The following WDPCP variants were observed in gnomAD, a reference collection of about 807,000 sequenced individuals.
The protein encoded by WDPCP is WD repeat containing planar cell polarity effector.
WDPCP carries 71 observed loss-of-function variants against 93.1 expected under a neutral mutation model. The observed-to-expected ratio is 0.76, with a 90% CI of 0.63 to 0.93. The LOEUF is 0.93. Among genes scored for constraint, WDPCP ranks in the 40% least tolerant of loss-of-function variants. The probability of loss-of-function intolerance (pLI) is 0.00; values close to 1 mark genes in which losing one functional copy is unlikely to be tolerated. For missense variants in WDPCP, 844 were observed against 887.4 expected (o/e 0.95, Z 0.62); for synonymous variants, 315 against 315.0 (o/e 1.00, Z 0.00).
chr2:63,438,190 T>C (rs189355630), intron 7 of WDPCP, among the ~76,000 whole-genome samples: 109 of 152,212 alleles, frequency 7.2e-4, no homozygotes, highest in African/African-American at 2.4e-3. Flanking sequence ...AAAGGGCTAT[T>C]AATGTTACAT....
intron 14 of WDPCP, among the ~76,000 whole-genome samples, chr2:63,199,799 T>A (rs1228144977): frequency 6.6e-6 from 1 of 152,088 alleles, no homozygotes; most frequent in Non-Finnish European, 1.5e-5. Flanking sequence ...CTGTGAGAAG[T>A]GGGCCATCAT....
chr2:63,579,065 T>C (rs1708309478), intron 1 of WDPCP, among the ~76,000 whole-genome samples: 1 of 152,120 alleles, frequency 6.6e-6, no homozygotes, highest in Non-Finnish European at 1.5e-5. Flanking sequence ...TTCCTTACGT[T>C]CTCCAGAAAA....
intron 6 of WDPCP, among the ~76,000 whole-genome samples, chr2:63,456,805 C>T (rs900138597): frequency 1.3e-5 from 2 of 152,106 alleles, no homozygotes; most frequent in African/African-American, 4.8e-5. Context: ...TCACTTGATG[C>T]CTTTAAGCCC....
At chr2:63,808,373 G>A (rs899284532) in intron 2 of WDPCP, among the ~76,000 whole-genome samples, 51 of 124,822 alleles carry the variant, frequency 4.1e-4, no homozygotes, top group Non-Finnish European at 7.1e-4. Context: ...CTCTTTCCAC[G>A]GTCTCCCTCT....
intron 2 of WDPCP, among the ~76,000 whole-genome samples, chr2:63,734,386 A>G (rs1669609006): frequency 6.6e-6 from 1 of 152,188 alleles, no homozygotes; most frequent in Admixed American, 6.5e-5. Flanking sequence ...ATATACATAT[A>G]TATGCATATA....
chr2:63,717,579 G>A, intron 2 of WDPCP: 1 of 523,150 alleles, frequency 1.9e-6, no homozygotes, highest in Non-Finnish European at 3.9e-6. Context: ...CTGATTCATG[G>A]TATACCTGTC....
chr2:63,230,451 C>T (rs1678757096), intron 14 of WDPCP, among the ~76,000 whole-genome samples: 1 of 152,124 alleles, frequency 6.6e-6, no homozygotes, highest in Non-Finnish European at 1.5e-5. Context: ...GGTATATGCC[C>T]AGTAATGGGA....
intron 12 of WDPCP, among the ~76,000 whole-genome samples, chr2:63,354,736 G>GTA (rs35401013): frequency 8.0e-5 from 12 of 149,378 alleles, no homozygotes; most frequent in Non-Finnish European, 1.5e-4. Context: ...GTGTGTGTGT[G>GTA]TATATGTATA....
chr2:63,188,319 A>G (rs1264393036), intron 14 of WDPCP, among the ~76,000 whole-genome samples: 5 of 151,822 alleles, frequency 3.3e-5, no homozygotes, highest in Non-Finnish European at 7.4e-5. Flanking sequence ...CCTATACTAC[A>G]TATATTATTC....
At chr2:63,589,198 C>G, upstream of WDPCP, 2 of 1,592,504 alleles carry the variant, frequency 1.3e-6, no homozygotes. Flanking sequence ...GGGATTGCCG[C>G]AGTGACCCAG....
intron 10 of WDPCP, among the ~76,000 whole-genome samples, chr2:63,390,050 T>G (rs1333195689): frequency 6.6e-6 from 1 of 152,200 alleles, no homozygotes; most frequent in Non-Finnish European, 1.5e-5. Flanking sequence ...GCAGACCTAA[T>G]AGACATCTAC....
chr2:63,135,474 G>T (rs1162831100), intron 17 of WDPCP, among the ~76,000 whole-genome samples: 1 of 152,094 alleles, frequency 6.6e-6, no homozygotes, highest in Non-Finnish European at 1.5e-5. Context: ...TGGGATTACA[G>T]GCATGCGTCA....
At chr2:63,211,899 C>G (rs772017002) in intron 14 of WDPCP, among the ~76,000 whole-genome samples, 35 of 151,958 alleles carry the variant, frequency 2.3e-4, no homozygotes, top group Admixed American at 2.0e-3. Context: ...TGAAATGGAG[C>G]GAGAAGAGAA....
At chr2:63,762,893 A>T (rs1670078384) in intron 2 of WDPCP, among the ~76,000 whole-genome samples, 1 of 152,208 alleles carries the variant, frequency 6.6e-6, no homozygotes, top group Non-Finnish European at 1.5e-5. Context: ...AGCAATAAGA[A>T]CTAAGTAAAA....
chr2:63,472,732 G>T (rs1451523926), intron 6 of WDPCP, among the ~76,000 whole-genome samples: 5 of 152,056 alleles, frequency 3.3e-5, no homozygotes. Flanking sequence ...GCTAATTTTT[G>T]TATTTTTAGT....
At chr2:63,511,167 T>C (rs1702208512) in intron 1 of WDPCP, among the ~76,000 whole-genome samples, 1 of 151,976 alleles carries the variant, frequency 6.6e-6, no homozygotes, top group South Asian at 2.1e-4. Flanking sequence ...GAGAATAAAA[T>C]ACCTGGGAAT....
At chr2:63,253,076 A>G (rs2104730339) in intron 14 of WDPCP, among the ~76,000 whole-genome samples, 1 of 152,266 alleles carries the variant, frequency 6.6e-6, no homozygotes, top group East Asian at 1.9e-4. Flanking sequence ...CACAGAGACC[A>G]ATGTAACAAA....
Position 63,812,463 on chromosome 2 carries a change from T to C in WDPCP, n.308+1159A>G, listed in dbSNP as rs2104093252. Among the ~76,000 whole-genome samples the C allele has an allele frequency of 5.9e-5, 9 of 152,310 alleles. No homozygotes were observed. In the Middle Eastern group the frequency reaches 0.027, roughly 460 times the overall value. ...TTGCTGGGTCATATGATGGTTCTGT[T>C]TTAAGTTATTTGAGAAATCTCCAGA... On this transcript the variant is annotated intron_variant and non_coding_transcript_variant, in intron 2 of 4. Transcript: ENST00000467687.
intron 1 of WDPCP, among the ~76,000 whole-genome samples, chr2:63,555,351 C>CTG (rs1205130240): frequency 6.6e-6 from 1 of 152,218 alleles, no homozygotes; most frequent in Non-Finnish European, 1.5e-5. Flanking sequence ...CTCCCTGGGA[C>CTG]TGTACCCCTG....
Sources: allele counts gnomAD v4.1 joint callset (sites outside exome capture counted in the v4.1 genomes callset), GRCh38; gene constraint gnomAD v4.1.1; transcripts MANE v1.5; gene names NCBI Gene and HGNC (gene_info 2026-07-23, HGNC 2026-07-21).